Variants in CTIF observed in about 807,000 individuals in gnomAD.
CTIF encodes CBP80/20-dependent translation initiation factor.
CTIF carries 21 observed loss-of-function variants against 66.0 expected under a neutral mutation model. The observed-to-expected ratio is 0.32, with a 90% CI of 0.23 to 0.46. The LOEUF is 0.46. CTIF is among the 20% of genes least tolerant of loss of function. CTIF has a pLI of 1.00. For missense variants in CTIF, 739 were observed against 812.7 expected (o/e 0.91, Z 1.10); for synonymous variants, 345 against 326.4 (o/e 1.06, Z -0.62).
At chr18:48,555,870 G>T (rs1296707992) in intron 1 of CTIF, among the ~76,000 whole-genome samples, 1 of 152,162 alleles carries the variant, frequency 6.6e-6, no homozygotes, top group Non-Finnish European at 1.5e-5. Flanking sequence ...GGGAATAGGG[G>T]GCAAAGGAAA....
chr18:48,605,032 G>C (rs770485018), intron 1 of CTIF, among the ~76,000 whole-genome samples: 22 of 152,194 alleles, frequency 1.4e-4, no homozygotes, highest in Non-Finnish European at 2.4e-4. Flanking sequence ...TCAGTTGATG[G>C]ATGTTTGTGT....
chr18:48,579,123 C>G (rs1427395090), intron 1 of CTIF, among the ~76,000 whole-genome samples: 1 of 151,692 alleles, frequency 6.6e-6, no homozygotes, highest in Non-Finnish European at 1.5e-5. Flanking sequence ...ATACTCATAG[C>G]TTATTATTAT....
Position 48,539,133 on chromosome 18 carries a change from T to G in CTIF, c.-208T>G. ...CCCCTCCCTCCCTGTTTCCCTTCCCTCCCTCCCTCCCCTCTCTGCTGGGTC... is the reference window on the plus strand; with the variant it reads ...CCCCTCCCTCCCTGTTTCCCTTCCCGCCCTCCCTCCCCTCTCTGCTGGGTC... On this transcript the variant is annotated 5_prime_UTR_variant, in exon 1 of 12. Transcript: ENST00000256413. 3.2e-5 allele frequency: 1 copy of G among 31,460 alleles called. No individual in the cohort carries two copies. The highest frequency in any genetic ancestry group is 1.2e-3 in the East Asian group (1 of 844). 1.9% of individuals were successfully genotyped at this position (31,460 alleles called of 1,614,324 possible).
At chr18:48,712,162 G>A (rs1448540190) in intron 7 of CTIF, among the ~76,000 whole-genome samples, 1 of 152,098 alleles carries the variant, frequency 6.6e-6, no homozygotes, top group Non-Finnish European at 1.5e-5. Flanking sequence ...ATGCGTGCTG[G>A]CTCTGCTGTC....
intron 9 of CTIF, among the ~76,000 whole-genome samples, chr18:48,815,297 C>T (rs951503353): frequency 1.5e-4 from 23 of 152,272 alleles, no homozygotes; most frequent in Admixed American, 1.0e-3. Flanking sequence ...AGCAGGCTGA[C>T]GTCAGTTTGA....
intron 5 of CTIF, among the ~76,000 whole-genome samples, chr18:48,667,520 G>T (rs1281595928): frequency 2.0e-5 from 3 of 152,124 alleles, no homozygotes; most frequent in Non-Finnish European, 4.4e-5. Flanking sequence ...TTGACTACAG[G>T]TGCCCAATGG....
chr18:48,588,362 G>A (rs1364422592), intron 1 of CTIF, among the ~76,000 whole-genome samples: 3 of 152,208 alleles, frequency 2.0e-5, no homozygotes, highest in African/African-American at 7.2e-5. Context: ...TAGACCCTCT[G>A]GCCCTCTCAG....
intron 9 of CTIF, among the ~76,000 whole-genome samples, chr18:48,798,551 A>G (rs957756521): frequency 3.3e-5 from 5 of 152,216 alleles, no homozygotes; most frequent in African/African-American, 1.2e-4. Flanking sequence ...TCCGAGTCCC[A>G]TGAAGTAACT....
rs1455084549 is a variant in CTIF, at chr18:48,859,659, A to G, written c.*100A>G. On this transcript the variant is annotated 3_prime_UTR_variant, in exon 12 of 12. Coordinates refer to ENST00000256413, the MANE Select transcript of CTIF (RefSeq NM_014772.3). ...GACAGGGGTGGCCCTGGCGGGAGAA[A>G]GAAATGGGGAGGAGGGCAGGCAGAG... The G allele has an allele frequency of 2.7e-6, 3 of 1,105,546 alleles. No individual in the cohort carries two copies. The highest frequency in any genetic ancestry group is 4.1e-6 in the Non-Finnish European group (3 of 731,404). The allele number at this position is 1,105,546 out of a possible 1,614,324, so 68.5% of individuals were successfully genotyped here. A position where few individuals can be genotyped will look rare whatever the true frequency, so the allele number is the denominator to read the frequency against.
chr18:48,834,156 C>T (rs34554310), intron 10 of CTIF, among the ~76,000 whole-genome samples: 380 of 152,242 alleles, frequency 2.5e-3, no homozygotes, highest in Middle Eastern at 6.8e-3. Context: ...GAGGCAAAGC[C>T]GAGTTTAACC....
chr18:48,599,114 G>C (rs1422154450), intron 1 of CTIF, among the ~76,000 whole-genome samples: 1 of 152,174 alleles, frequency 6.6e-6, no homozygotes, highest in South Asian at 2.1e-4. Context: ...TCAGCTCATG[G>C]GTGTTGGAAA....
In CTIF at chr18:48,860,303, G is replaced by A; in HGVS notation, c.*744G>A. 3.5e-6 allele frequency: 1 copy of A among 288,700 alleles called. No individual in the cohort carries two copies. 17.9% of individuals were successfully genotyped at this position (288,700 alleles called of 1,614,324 possible). A position where few individuals can be genotyped will look rare whatever the true frequency, so the allele number is the denominator to read the frequency against. On this transcript the variant is annotated 3_prime_UTR_variant, in exon 12 of 12. Transcript: ENST00000256413. The stretch of plus-strand genomic sequence containing the variant: ...TTGCTTTGAAGTCTCTTTGGCCAAT[G>A]AAAATGCCCGTGATGTGATCACACA...
chr18:48,777,198 G>C (rs1437058825), intron 9 of CTIF, among the ~76,000 whole-genome samples: 1 of 152,220 alleles, frequency 6.6e-6, no homozygotes, highest in African/African-American at 2.4e-5. Flanking sequence ...TCTGGGGCCT[G>C]CTTGGCTTGT....
intron 2 of CTIF, among the ~76,000 whole-genome samples, chr18:48,628,026 C>T (rs923977559): frequency 1.3e-4 from 20 of 152,268 alleles, no homozygotes; most frequent in Non-Finnish European, 2.6e-4. Context: ...GCAATGGAGA[C>T]TGGGGCCGTG....
At chr18:48,781,917 C>T (rs190212421) in intron 9 of CTIF, among the ~76,000 whole-genome samples, 40 of 152,174 alleles carry the variant, frequency 2.6e-4, no homozygotes, top group Admixed American at 2.3e-3. Context: ...GAAATAAGGA[C>T]GTGAAAATAG....
At chr18:48,840,049 C>T (rs2146532522) in intron 10 of CTIF, among the ~76,000 whole-genome samples, 1 of 152,266 alleles carries the variant, frequency 6.6e-6, no homozygotes, top group East Asian at 1.9e-4. Flanking sequence ...TGCTCCCAGG[C>T]TGGGAGTGGT....
intron 10 of CTIF, among the ~76,000 whole-genome samples, chr18:48,829,129 G>T (rs934470991): frequency 2.2e-4 from 34 of 152,210 alleles, no homozygotes; most frequent in Admixed American, 1.4e-3. Context: ...CGGGACTGGG[G>T]AGGATAGAAT....
intron 10 of CTIF, among the ~76,000 whole-genome samples, chr18:48,850,506 C>G (rs1315071538): frequency 6.6e-6 from 1 of 152,156 alleles, no homozygotes; most frequent in East Asian, 1.9e-4. Context: ...AAATCAGAGC[C>G]CTGAAGAAAT....
chr18:48,781,968 T>TA (rs1407372873), intron 9 of CTIF, among the ~76,000 whole-genome samples: 3 of 152,300 alleles, frequency 2.0e-5, no homozygotes, highest in Admixed American at 6.5e-5. Flanking sequence ...TAAAGAGTTG[T>TA]ACTGATTCAA....
Sources: allele counts gnomAD v4.1 joint callset (sites outside exome capture counted in the v4.1 genomes callset), GRCh38; gene constraint gnomAD v4.1.1; transcripts MANE v1.5; gene names NCBI Gene and HGNC (gene_info 2026-07-23, HGNC 2026-07-21).